Variants in VPS13B observed in about 807,000 individuals in gnomAD.
VPS13B encodes the protein intermembrane lipid transfer protein VPS13B.
Under a neutral mutation model 426.4 loss-of-function variants are expected in VPS13B, and 285 were observed. The ratio of observed to expected loss-of-function variants is 0.67; its 90% CI spans 0.61 to 0.74. The LOEUF is 0.74. Among genes scored for constraint, VPS13B ranks in the 30% least tolerant of loss-of-function variants. The pLI is 0.00. For synonymous variants in VPS13B, 1,676 were observed against 1,676.4 expected (o/e 1.00, Z 0.01); for missense variants, 4,537 against 4,782.6 (o/e 0.95, Z 1.51).
intron 17 of VPS13B, among the ~76,000 whole-genome samples, chr8:99,228,954 G>A (rs1328319364): frequency 6.6e-6 from 1 of 151,998 alleles, no homozygotes; most frequent in Non-Finnish European, 1.5e-5. Flanking sequence ...GGATGAGTGT[G>A]ATAGTAAGCT....
rs762313762 is a variant in VPS13B at position 99,575,741 on chromosome 8, T to C, written c.5033T>C (p.Val1678Ala). The C allele has an allele frequency of 6.2e-7, 1 of 1,613,888 alleles. No individual in the cohort carries two copies. The highest frequency in any genetic ancestry group is 1.1e-5 in the South Asian group (1 of 91,066). ...FSVRITGAPA[V>A]IFTKVVSPEN... ...GTCCGAATAACTGGAGCACCTGCTG[T>C]CATTTTCACCAAAGTAGTTTCTCCA... The change falls in exon 32 of 62, where the codon GTC becomes GCC. Residue 1678 changes from valine to alanine, a missense_variant. By Grantham distance (64) the Val-to-Ala change is moderately conservative. Transcript: ENST00000357162.
At chr8:99,703,096 C>A (rs117416549) in intron 36 of VPS13B, among the ~76,000 whole-genome samples, 1 of 151,980 alleles carries the variant, frequency 6.6e-6, no homozygotes, top group Non-Finnish European at 1.5e-5. Flanking sequence ...CCGGGCATTC[C>A]GAATACATTT....
chr8:99,696,868 C>T lies in VPS13B; in HGVS notation c.6047-2657C>T, dbSNP rs969178031. The T allele has an allele frequency of 1.8e-5, 15 of 848,212 alleles. No individual in the cohort carries two copies. The East Asian group carries it at 2.7e-4, about 15-fold the overall frequency. The allele number at this position is 848,212 out of a possible 1,614,324, so 52.5% of individuals were successfully genotyped here. On this transcript the variant is annotated intron_variant, in intron 35 of 61. Coordinates refer to ENST00000357162, the MANE Select transcript of VPS13B (RefSeq NM_152564.5). Reference sequence around the variant, plus strand: ...GCAAGCTGCTGGAGCTGCAGTCCATCGGCATCAACAACTTCTGCGGTTCCA... The same window carrying T: ...GCAAGCTGCTGGAGCTGCAGTCCATTGGCATCAACAACTTCTGCGGTTCCA...
At chr8:99,307,734 T>A (rs567691032) in intron 19 of VPS13B, among the ~76,000 whole-genome samples, 1 of 152,258 alleles carries the variant, frequency 6.6e-6, no homozygotes, top group South Asian at 2.1e-4. Context: ...GATCCCTTTT[T>A]CATTGAAGTT....
At chr8:99,134,926 T>C in intron 9 of VPS13B, 89 bp from the exon 10 acceptor site, 3 of 1,491,600 alleles carry the variant, frequency 2.0e-6, no homozygotes, top group Non-Finnish European at 2.8e-6. Flanking sequence ...TCTAAAGATG[T>C]TTAACTAATT....
chr8:99,787,253 T>C (rs1400097386), intron 43 of VPS13B, among the ~76,000 whole-genome samples: 1 of 152,132 alleles, frequency 6.6e-6, no homozygotes, highest in African/African-American at 2.4e-5. Context: ...AAGAGGTTGC[T>C]AACAACAGTA....
intron 8 of VPS13B, among the ~76,000 whole-genome samples, chr8:99,125,341 CAGCA>C (rs145621020): frequency 0.02 from 3,061 of 152,322 alleles, 110 homozygotes; most frequent in African/African-American, 0.07. Flanking sequence ...CCGGAAGACT[CAGCA>C]AGTCTAGTCC....
intron 33 of VPS13B, among the ~76,000 whole-genome samples, chr8:99,581,184 A>G (rs959928038): frequency 6.6e-6 from 1 of 151,910 alleles, no homozygotes; most frequent in African/African-American, 2.4e-5. Flanking sequence ...CCTGTCTCAA[A>G]AAAAAAAAAG....
At chr8:99,174,293 A>C (rs909605282) in intron 16 of VPS13B, among the ~76,000 whole-genome samples, 3 of 152,188 alleles carry the variant, frequency 2.0e-5, no homozygotes, top group South Asian at 4.1e-4. Context: ...ATGCATGTAC[A>C]AATATCTGTT....
rs537352999 is a variant in VPS13B, at chr8:99,234,521, T to A, written c.2516-39677T>A. 458 of 496,798 alleles carry A rather than the reference T, an allele frequency of 9.2e-4. 4 individuals are homozygous for A. Among genetic ancestry groups the A allele is most frequent in the African/African-American group, 8.3e-3 (426 of 51,396 alleles). The allele number at this position is 496,798 out of a possible 1,614,324, so 30.8% of individuals were successfully genotyped here. ...CGGTAGGGAAGGGGCTTCCGCGGGGTTGGGGTTCAGGGGCCGCAGGGCTGG... is the reference window on the plus strand; with the variant it reads ...CGGTAGGGAAGGGGCTTCCGCGGGGATGGGGTTCAGGGGCCGCAGGGCTGG... On this transcript the variant is annotated intron_variant, in intron 17 of 61. Transcript: ENST00000357162.
chr8:99,767,088 CT>C, intron 40 of VPS13B, 118 bp downstream of exon 40: 2 of 994,126 alleles, frequency 2.0e-6, no homozygotes, highest in Non-Finnish European at 3.1e-6. Context: ...CTGCATCTCT[CT>C]GAACAACAGA....
intron 33 of VPS13B, among the ~76,000 whole-genome samples, chr8:99,610,954 A>G (rs1399312848): frequency 6.6e-6 from 1 of 152,208 alleles, no homozygotes; most frequent in Non-Finnish European, 1.5e-5. Context: ...TTTGTCTGTC[A>G]TATTGAATAA....
At chr8:99,681,018 A>G (rs189143136) in intron 35 of VPS13B, among the ~76,000 whole-genome samples, 2 of 152,302 alleles carry the variant, frequency 1.3e-5, no homozygotes, top group East Asian at 3.9e-4. Context: ...AATACCAGAC[A>G]CTATTTTTGC....
intron 31 of VPS13B, among the ~76,000 whole-genome samples, chr8:99,572,521 T>C (rs1825532078): frequency 6.6e-6 from 1 of 151,764 alleles, no homozygotes; most frequent in Admixed American, 6.6e-5. Flanking sequence ...TTCTCATTGT[T>C]CAATTCCCAC....
intron 54 of VPS13B, among the ~76,000 whole-genome samples, chr8:99,842,886 CTT>C (rs1563503464): frequency 6.6e-6 from 1 of 152,160 alleles, no homozygotes; most frequent in Admixed American, 6.5e-5. Context: ...AGCACAGAGA[CTT>C]ATGCCTGTAA....
intron 43 of VPS13B, among the ~76,000 whole-genome samples, chr8:99,791,618 A>C (rs1457214258): frequency 6.0e-5 from 9 of 151,198 alleles, no homozygotes; most frequent in Non-Finnish European, 1.2e-4. Context: ...AGTGAGAGAG[A>C]TTATAGTAAC....
At chr8:99,295,716 G>A (rs1307861223) in intron 19 of VPS13B, among the ~76,000 whole-genome samples, 2 of 152,106 alleles carry the variant, frequency 1.3e-5, no homozygotes, top group Non-Finnish European at 2.9e-5. Flanking sequence ...GCTAGTCCAG[G>A]AAAAGATCAA....
intron 28 of VPS13B, among the ~76,000 whole-genome samples, chr8:99,510,126 A>G (rs1176289275): frequency 6.6e-6 from 1 of 152,248 alleles, no homozygotes; most frequent in Non-Finnish European, 1.5e-5. Flanking sequence ...AGCTATTGAT[A>G]ATAGGCAAGT....
chr8:99,352,069 G>A (rs1351010078), intron 19 of VPS13B, among the ~76,000 whole-genome samples: 16 of 152,124 alleles, frequency 1.1e-4, no homozygotes, highest in Admixed American at 1.0e-3. Context: ...TAACTGCTTA[G>A]GCTTGTGTTA....
Sources: gnomAD v4.1 joint callset for allele counts (sites outside exome capture counted in the v4.1 genomes callset) on GRCh38, gnomAD v4.1.1 for gene constraint, MANE v1.5 for transcripts, NCBI Gene and HGNC (gene_info 2026-07-23, HGNC 2026-07-21) for gene names.